CEP63: variants seen among roughly 807,000 people sequenced by gnomAD.
The protein encoded by CEP63 is centrosomal protein of 63 kDa.
CEP63 carries 84 observed loss-of-function variants against 89.1 expected under a neutral mutation model. The ratio of observed to expected loss-of-function variants is 0.94; its 90% confidence interval spans 0.79 to 1.13. The LOEUF (loss-of-function observed/expected upper bound fraction) is 1.13, where lower values mean the gene tolerates loss of function less well. Ranked by LOEUF, CEP63 falls within the 50% of genes most tolerant of loss-of-function variation. The pLI, the probability that CEP63 is intolerant of heterozygous loss-of-function variation, is 0.00. For synonymous variants in CEP63, 267 were observed against 272.5 expected, an observed-to-expected ratio of 0.98 and a Z score of 0.20; for missense variants, 838 against 813.3, an observed-to-expected ratio of 1.03 and a Z score of -0.37.
At chr3:134,733,639 G>A in the CEP63 span, among the ~76,000 whole-genome samples, 2 of 152,310 alleles carry the variant, frequency 1.3e-5, no homozygotes, top group South Asian at 2.1e-4. Context: ...AGAACGCCAT[G>A]TGCCAGTGGA....
At chr3:134,529,301 A>G (rs1577086544) in intron 3 of CEP63, among the ~76,000 whole-genome samples, 1 of 143,930 alleles carries the variant, frequency 6.9e-6, no homozygotes, top group East Asian at 2.1e-4. Context: ...ATTTTTTCCA[A>G]TTTGTCCAGT....
the CEP63 span, among the ~76,000 whole-genome samples, chr3:134,649,907 A>G: frequency 6.6e-6 from 1 of 152,186 alleles, no homozygotes; most frequent in African/African-American, 2.4e-5. Flanking sequence ...AGGGGAGGAG[A>G]GAGGCAGAAG....
At chr3:134,624,639 C>T in the CEP63 span, among the ~76,000 whole-genome samples, 1 of 152,230 alleles carries the variant, frequency 6.6e-6, no homozygotes, top group African/African-American at 2.4e-5. Flanking sequence ...GTGAGCACAG[C>T]TGTGATTATA....
downstream of CEP63, among the ~76,000 whole-genome samples, chr3:134,591,943 A>G (rs1283125995): frequency 6.6e-6 from 1 of 152,186 alleles, no homozygotes; most frequent in African/African-American, 2.4e-5. Context: ...TCTATTAGCT[A>G]TCTACGGCTG....
the CEP63 span, among the ~76,000 whole-genome samples, chr3:134,627,142 C>T: frequency 6.6e-6 from 1 of 152,160 alleles, no homozygotes; most frequent in African/African-American, 2.4e-5. Flanking sequence ...ATGATTTATG[C>T]CTCATTAAAT....
At chr3:134,571,279 A>G (rs1957998831) in intron 11 of CEP63, among the ~76,000 whole-genome samples, 1 of 152,144 alleles carries the variant, frequency 6.6e-6, no homozygotes, top group African/African-American at 2.4e-5. Context: ...ATGGAATGGG[A>G]GCTGGTGGCT....
the CEP63 span, among the ~76,000 whole-genome samples, chr3:134,727,519 A>G: frequency 6.6e-6 from 1 of 152,192 alleles, no homozygotes; most frequent in Non-Finnish European, 1.5e-5. Context: ...GAGTACGTGC[A>G]AGTGGGCTGA....
downstream of CEP63, among the ~76,000 whole-genome samples, chr3:134,588,463 C>T (rs1041841935): frequency 1.8e-4 from 28 of 151,920 alleles, no homozygotes; most frequent in Admixed American, 6.6e-5. Flanking sequence ...GGAAATTAGG[C>T]AATACACTTG....
intron 3 of CEP63, among the ~76,000 whole-genome samples, chr3:134,513,590 A>G (rs1945504122): frequency 6.7e-6 from 1 of 150,366 alleles, no homozygotes; most frequent in African/African-American, 2.4e-5. Context: ...TGGGGCCATT[A>G]TTAACTGAAA....
chr3:134,692,862 T>G, the CEP63 span, among the ~76,000 whole-genome samples: 116 of 152,316 alleles, frequency 7.6e-4, no homozygotes, highest in Admixed American at 1.1e-3. Flanking sequence ...AACACTCTTC[T>G]GGGTACATAC....
the CEP63 span, chr3:134,619,257 T>C: frequency 1.9e-6 from 3 of 1,613,114 alleles, no homozygotes; most frequent in African/African-American, 4.0e-5. Flanking sequence ...GCAGCTGCAA[T>C]GTCATACTCT....
At chr3:134,533,945 C>T (rs192703202) in intron 5 of CEP63, among the ~76,000 whole-genome samples, 230 of 152,258 alleles carry the variant, frequency 1.5e-3, no homozygotes, top group Non-Finnish European at 2.7e-3. Flanking sequence ...GCTACTGCTT[C>T]CCTTCCACCC....
At chr3:134,765,928 C>G in the CEP63 span, among the ~76,000 whole-genome samples, 1 of 152,234 alleles carries the variant, frequency 6.6e-6, no homozygotes, top group Non-Finnish European at 1.5e-5. Context: ...GCCTGCAGCA[C>G]AGAATCAGTT....
chr3:134,644,888 A>G, the CEP63 span, among the ~76,000 whole-genome samples: 3 of 152,210 alleles, frequency 2.0e-5, no homozygotes, highest in Non-Finnish European at 2.9e-5. Context: ...GCCAAGGGCT[A>G]GGTCCACTGT....
chr3:134,772,693 A>G, the CEP63 span, among the ~76,000 whole-genome samples: 1 of 152,034 alleles, frequency 6.6e-6, no homozygotes, highest in Non-Finnish European at 1.5e-5. Flanking sequence ...CACACCCCAG[A>G]GTAGGGGCCT....
At chr3:134,513,330 A>ATTT in intron 3 of CEP63, among the ~76,000 whole-genome samples, 1 of 152,180 alleles carries the variant, frequency 6.6e-6, no homozygotes, top group African/African-American at 2.4e-5. Flanking sequence ...TGAAAGTTTG[A>ATTT]CTGGCTGTAG....
chr3:134,584,965 T>TTGTTTTGTTTTG (rs1553799228), intron 10 of CEP63, among the ~76,000 whole-genome samples: 1 of 134,782 alleles, frequency 7.4e-6, no homozygotes, highest in African/African-American at 2.8e-5. Flanking sequence ...GGTTTTTTTT[T>TTGTTTTGTTTTG]TTTTTTTTTG....
At position 134,486,200 on chromosome 3, in the gene CEP63, G is replaced by A; in HGVS notation, c.-28G>A. The A allele has an allele frequency of 2.0e-6, 2 of 985,636 alleles. No individual in the cohort carries two copies. Among genetic ancestry groups the A allele is most frequent in the Non-Finnish European group, 2.4e-6 (2 of 830,056 alleles). The allele number at this position is 985,636 out of a possible 1,614,324, so 61.1% of individuals were successfully genotyped here. ...TGGCGCGCGTGCGCAGCGCCGGCCC[G>A]AGGTAACGGCGGGAAGGCTCAGGGG... On this transcript the variant is annotated splice_region_variant and 5_prime_UTR_variant, in exon 1 of 15. Transcript: ENST00000675561.
chr3:134,642,929 G>T, the CEP63 span, among the ~76,000 whole-genome samples: 2 of 152,338 alleles, frequency 1.3e-5, no homozygotes, highest in African/African-American at 4.8e-5. Context: ...AGGAGTACCT[G>T]TCAAACAGGG....
Sources: gnomAD v4.1 joint callset for allele counts (sites outside exome capture counted in the v4.1 genomes callset) on GRCh38, gnomAD v4.1.1 for gene constraint, MANE v1.5 for transcripts, NCBI Gene and HGNC (gene_info 2026-07-23, HGNC 2026-07-21) for gene names.